Variants in VTCN1 observed in about 807,000 individuals in gnomAD.
The protein encoded by VTCN1 is V-set domain-containing T-cell activation inhibitor 1.
VTCN1 carries 26 observed loss-of-function variants against 26.5 expected under a neutral mutation model. That is an observed-to-expected ratio of 0.98 (90% CI 0.72 to 1.36). The LOEUF (loss-of-function observed/expected upper bound fraction) is 1.36, where lower values mean the gene tolerates loss of function less well. Among genes scored for constraint, VTCN1 ranks in the 40% most tolerant of loss-of-function variants. The pLI is 0.00. For missense variants in VTCN1, 298 were observed against 337.7 expected (o/e 0.88, Z 0.92); for synonymous variants, 116 against 130.7 (o/e 0.89, Z 0.77).
At chr1:117,193,370 C>G (rs187196264) in intron 1 of VTCN1, among the ~76,000 whole-genome samples, 36 of 152,076 alleles carry the variant, frequency 2.4e-4, no homozygotes, top group Non-Finnish European at 4.7e-4. Flanking sequence ...TTCATTTTAC[C>G]CTTAGGACAC....
chr1:117,176,487 T>C (rs1053370624), intron 1 of VTCN1, among the ~76,000 whole-genome samples: 4 of 152,214 alleles, frequency 2.6e-5, no homozygotes, highest in African/African-American at 9.6e-5. Flanking sequence ...CTGGAAAACA[T>C]AAAATGCTTT....
rs1453446125 is a variant in VTCN1 at position 117,156,801 on chromosome 1, T to C, written c.218A>G (p.Lys73Arg). ...KLSDIVIQWL[K>R]EGVLGLVHEF... The stretch of plus-strand genomic sequence containing the variant: ...ATGGACCAAGCCTAAAACACCTTCC[T>C]TCAGCCATTGTATCACGATATCAGA... Residue 73 changes from lysine to arginine, a missense_variant, in exon 3 of 6, where the codon AAG becomes AGG. Lys to Arg is a conservative substitution (Grantham distance 26). Coordinates refer to ENST00000369458, the MANE Select transcript of VTCN1 (RefSeq NM_024626.4). The C allele has an allele frequency of 3.1e-6, 5 of 1,614,016 alleles. No homozygotes were observed. The highest frequency in any genetic ancestry group is 4.2e-6 in the Non-Finnish European group (5 of 1,180,038).
At chr1:117,199,633 A>ATTTT (rs757979940) in intron 1 of VTCN1, among the ~76,000 whole-genome samples, 3 of 134,778 alleles carry the variant, frequency 2.2e-5, no homozygotes, top group Non-Finnish European at 4.8e-5. Flanking sequence ...GCCACAAGGA[A>ATTTT]TTTTTTTTTT....
At chr1:117,187,061 T>C (rs6657305) in intron 1 of VTCN1, among the ~76,000 whole-genome samples, 71,255 of 149,472 alleles carry the variant, frequency 0.48, 18,400 homozygotes, top group East Asian at 0.83. Flanking sequence ...CCAAGGCAGG[T>C]GGATTGCTTG....
chr1:117,206,387 A>T (rs185103622), intron 1 of VTCN1, among the ~76,000 whole-genome samples: 3 of 152,330 alleles, frequency 2.0e-5, no homozygotes, highest in Admixed American at 2.0e-4. Flanking sequence ...TAATGAGTAT[A>T]GCAATAGCTA....
chr1:117,172,852 T>C (rs775257466), intron 1 of VTCN1, among the ~76,000 whole-genome samples: 19 of 151,850 alleles, frequency 1.3e-4, no homozygotes, highest in Non-Finnish European at 2.1e-4. Flanking sequence ...AGCTAAAGGA[T>C]TGTAAACGCA....
chr1:117,207,509 C>T (rs974481192), intron 1 of VTCN1, among the ~76,000 whole-genome samples: 3 of 151,988 alleles, frequency 2.0e-5, no homozygotes, highest in South Asian at 2.1e-4. Flanking sequence ...TGGCCCCTTG[C>T]TTCCCTCCCT....
At chr1:117,197,853 G>C (rs1648593813) in intron 1 of VTCN1, among the ~76,000 whole-genome samples, 1 of 152,134 alleles carries the variant, frequency 6.6e-6, no homozygotes. Context: ...GGCATGGCTT[G>C]TTCAAGGTTT....
intron 1 of VTCN1, 27 bp downstream of exon 1, chr1:117,210,797 A>G: frequency 6.2e-7 from 1 of 1,612,072 alleles, no homozygotes; most frequent in Non-Finnish European, 8.5e-7. Flanking sequence ...CTTCACCCAT[A>G]AGGATAGAGA....
chr1:117,176,512 C>T (rs1436674253), intron 1 of VTCN1, among the ~76,000 whole-genome samples: 3 of 152,200 alleles, frequency 2.0e-5, no homozygotes, highest in East Asian at 3.8e-4. Context: ...TTTATTCAAA[C>T]ATGAATGGTT....
In VTCN1 at chr1:117,156,799, C is replaced by G; in HGVS notation, c.220G>C (p.Glu74Gln). Residue 74 changes from glutamate to glutamine, a missense_variant, in exon 3 of 6, where the codon GAA (glutamate) becomes CAA (glutamine). Transcript: ENST00000369458. ...LSDIVIQWLK[E>Q]GVLGLVHEFK... is the part of the protein sequence containing the mutation. The stretch of plus-strand genomic sequence containing the variant: ...TCATGGACCAAGCCTAAAACACCTT[C>G]CTTCAGCCATTGTATCACGATATCA... 2 of 1,614,168 alleles carry G rather than the reference C, an allele frequency of 1.2e-6. No homozygotes were observed. The highest frequency in any genetic ancestry group is 1.7e-6 in the Non-Finnish European group (2 of 1,180,032).
chr1:117,165,516 G>A (rs1318174484), intron 2 of VTCN1, among the ~76,000 whole-genome samples: 2 of 152,036 alleles, frequency 1.3e-5, no homozygotes, highest in Non-Finnish European at 2.9e-5. Context: ...GAGCTCTCAG[G>A]CCCTGAGTTC....
At chr1:117,151,216 G>A (rs1190021152) in intron 4 of VTCN1, among the ~76,000 whole-genome samples, 1 of 113,038 alleles carries the variant, frequency 8.8e-6, no homozygotes, top group Non-Finnish European at 1.7e-5. Context: ...TTTTTTTTTT[G>A]GAGAGTGTTA....
At chr1:117,149,327 C>T (rs764481525) in intron 4 of VTCN1, among the ~76,000 whole-genome samples, 30 of 151,478 alleles carry the variant, frequency 2.0e-4, no homozygotes, top group Non-Finnish European at 3.7e-4. Context: ...TCACCAACCT[C>T]CTAAGTATCC....
At chr1:117,203,794 A>G (rs976395380) in intron 1 of VTCN1, 13 of 985,188 alleles carry the variant, frequency 1.3e-5, no homozygotes, top group Non-Finnish European at 1.6e-5. Context: ...GGCTGCTAAT[A>G]CAGAGAATCA....
At chr1:117,157,092 GATAT>G (rs145887761) in intron 2 of VTCN1, 171 bp from the exon 3 acceptor site, 993 of 558,354 alleles carry the variant, frequency 1.8e-3, no homozygotes, top group Middle Eastern at 3.2e-3. Flanking sequence ...CAATCATTTT[GATAT>G]ATATATATAT....
In VTCN1 at chr1:117,147,580, C is replaced by T; in HGVS notation, c.*45+33G>A. On this transcript the variant is annotated intron_variant, in intron 5 of 5. Coordinates refer to ENST00000369458, the MANE Select transcript of VTCN1 (RefSeq NM_024626.4). This position sits in a 1 kb window ranked among gnomAD's most constrained non-coding sequence, Gnocchi z 4.6. ...ATTAGGAGCACAAGCACCCACAGAA[C>T]CAATATCCCACACTATTTGTGATTA... The T allele has an allele frequency of 6.4e-7, 1 of 1,561,268 alleles. No homozygotes were observed. The highest frequency in any genetic ancestry group is 8.7e-7 in the Non-Finnish European group (1 of 1,155,262).
chr1:117,153,218 A>G lies in VTCN1; in HGVS notation c.597T>C (p.Phe199=), dbSNP rs996513224. Residue 199 remains phenylalanine, a synonymous_variant, in exon 4 of 6, where the codon TTT becomes TTC. Coordinates refer to ENST00000369458, the MANE Select transcript of VTCN1 (RefSeq NM_024626.4). ...ANFSEVSNTS[F]ELNSENVTMK... ...TGGTCACATTCTCAGAGTTCAGCTC[A>G]AAGCTGGTATTGGAGACTTCCGAGA... 5.6e-6 allele frequency: 9 copies of G among 1,613,888 alleles called. No homozygotes were observed. The African/African-American group carries it at 1.1e-4, about 19-fold the overall frequency.
chr1:117,209,406 G>A (rs1649251675), intron 1 of VTCN1, among the ~76,000 whole-genome samples: 2 of 152,170 alleles, frequency 1.3e-5, no homozygotes, highest in African/African-American at 2.4e-5. Flanking sequence ...GGACTGGCAG[G>A]AGCAGGGGCA....
Sources: gnomAD v4.1 joint callset for allele counts (sites outside exome capture counted in the v4.1 genomes callset) on GRCh38, gnomAD v4.1.1 for gene constraint, Gnocchi (gnomAD v3.1) non-coding constraint, MANE v1.5 for transcripts, NCBI Gene and HGNC (gene_info 2026-07-23, HGNC 2026-07-21) for gene names.